MATN3: variants seen among roughly 807,000 people sequenced by gnomAD.
MATN3 encodes the protein matrilin 3.
A neutral mutation model predicts 45.3 loss-of-function variants in MATN3; 48 were observed. The ratio of observed to expected loss-of-function variants is 1.06; its 90% CI spans 0.84 to 1.35. The LOEUF is 1.35. Among genes scored for constraint, MATN3 ranks in the 40% most tolerant of loss-of-function variants. MATN3 has a pLI of 0.00. For missense variants in MATN3, 599 were observed against 628.0 expected (o/e 0.95, Z 0.49); for synonymous variants, 217 against 245.9 (o/e 0.88, Z 1.10).
chr2:19,993,146 A>G lies in MATN3; in HGVS notation c.1426T>C (p.Leu476=), dbSNP rs1553326270. The G allele has an allele frequency of 8.1e-6, 13 of 1,612,490 alleles. No individual in the cohort carries two copies. The highest frequency in any genetic ancestry group is 1.1e-5 in the South Asian group (1 of 90,878). ...NTKLDDILEK[L]KINEYGQIHR ...ATTTGTCCATATTCATTTATTTTCA[A>G]CTTCTCCAAAATGTCATCAAGTGGC... Residue 476 remains leucine (L), a synonymous_variant, in exon 8 of 8, where the codon TTG becomes CTG. Coordinates refer to ENST00000407540, the MANE Select transcript of MATN3 (RefSeq NM_002381.5).
chr2:20,006,432 G>A lies in MATN3; in HGVS notation c.224-122C>T, dbSNP rs1288667613. On this transcript the variant is annotated intron_variant, in intron 1 of 7. Transcript: ENST00000407540. ...ATCTCCTGACCCCAACATCACCACT[G>A]CCTGCGACCTTCCCCAAGACCATCG... is the stretch of plus-strand genomic sequence containing the variant. 3 of 683,398 alleles carry A rather than the reference G, an allele frequency of 4.4e-6. No individual in the cohort carries two copies. In the African/African-American group the frequency reaches 5.4e-5, roughly 12 times the overall value. The allele number at this position is 683,398 out of a possible 1,614,324, so 42.3% of individuals were successfully genotyped here.
chr2:20,012,401 G>C lies in MATN3; in HGVS notation c.223+8C>G. On this transcript the variant is annotated splice_region_variant and intron_variant, in intron 1 of 7. Coordinates refer to ENST00000407540, the MANE Select transcript of MATN3 (RefSeq NM_002381.5). This position sits in a 1 kb window ranked among gnomAD's most constrained non-coding sequence, Gnocchi z 4.3. The stretch of plus-strand genomic sequence containing the variant: ...TGCTCACGCGTCCCTCCCGCCGCCC[G>C]CCTGTACCTGCACCGCGGGCGCGGC... 1 of 1,228,852 alleles carries C rather than the reference G, an allele frequency of 8.1e-7. No homozygotes were observed. The allele number at this position is 1,228,852 out of a possible 1,614,324, so 76.1% of individuals were successfully genotyped here.
rs1169276721 is a variant in MATN3, at chr2:19,992,362, A to C, written c.*749T>G. The stretch of plus-strand genomic sequence containing the variant: ...ACATTAGATTTTGTCGATTTATAGC[A>C]ATTTTATAAATATATAACTTTGTCA... On this transcript the variant is annotated 3_prime_UTR_variant, in exon 8 of 8. Transcript: ENST00000407540. The C allele has an allele frequency of 1.3e-5, 2 of 152,152 alleles. No homozygotes were observed. Among genetic ancestry groups the C allele is most frequent in the Non-Finnish European group, 2.9e-5 (2 of 67,988 alleles). 9.4% of individuals were successfully genotyped at this position (152,152 alleles called of 1,614,324 possible).
intron 1 of MATN3, among the ~76,000 whole-genome samples, chr2:20,007,553 G>A (rs1411415040): frequency 2.0e-5 from 3 of 152,146 alleles, no homozygotes; most frequent in African/African-American, 7.2e-5. Flanking sequence ...AATGAGGGAT[G>A]CCAACTTAAT....
rs552384583 is a variant in MATN3 at position 20,008,152 on chromosome 2, G to A, written c.224-1842C>T. Among the ~76,000 whole-genome samples the A allele has an allele frequency of 6.8e-4, 104 of 152,174 alleles. 1 individual carries two copies. Among genetic ancestry groups the A allele is most frequent in the African/African-American group, 2.2e-3 (93 of 41,520 alleles). ...TAATTTTTGTATTTTTCATAGAGAC[G>A]GGGTTTCACTATGTTGGCCAGGCTG... On this transcript the variant is annotated intron_variant, in intron 1 of 7. Coordinates refer to ENST00000407540, the MANE Select transcript of MATN3 (RefSeq NM_002381.5).
intron 7 of MATN3, among the ~76,000 whole-genome samples, chr2:19,993,772 G>C (rs936910436): frequency 1.3e-5 from 2 of 152,204 alleles, no homozygotes; most frequent in African/African-American, 4.8e-5. Context: ...TAGGAACAGA[G>C]TTGTTAACTT....
intron 5 of MATN3, among the ~76,000 whole-genome samples, chr2:19,998,397 C>A (rs1291307229): frequency 6.6e-6 from 1 of 152,066 alleles, no homozygotes; most frequent in African/African-American, 2.4e-5. Flanking sequence ...AAAAGCAGAC[C>A]ATTAGAAGGG....
intron 5 of MATN3, 86 bp downstream of exon 5, chr2:20,000,355 C>T: frequency 8.1e-7 from 1 of 1,240,900 alleles, no homozygotes; most frequent in Non-Finnish European, 1.1e-6. Flanking sequence ...TCTTAAGTTA[C>T]CTTTAAAAAC....
At chr2:20,000,659 G>A in intron 4 of MATN3, 93 bp from the exon 5 acceptor site, 7 of 1,278,466 alleles carry the variant, frequency 5.5e-6, no homozygotes, top group East Asian at 2.6e-5. Context: ...GGAAACATAT[G>A]AGGAAAACTT....
At chr2:20,010,079 A>AAAAAAAAAAAAAAAAAAAAAAAAAG (rs1232156276) in intron 1 of MATN3, among the ~76,000 whole-genome samples, 1 of 149,594 alleles carries the variant, frequency 6.7e-6, no homozygotes, top group African/African-American at 2.5e-5. Flanking sequence ...AAAAAAAAAA[A>AAAAAAAAAAAAAAAAAAAAAAAAAG]AAAAAAAAAA....
intron 3 of MATN3, among the ~76,000 whole-genome samples, chr2:20,002,410 T>G (rs1215426079): frequency 6.6e-6 from 1 of 152,220 alleles, no homozygotes; most frequent in African/African-American, 2.4e-5. Flanking sequence ...TTCCCATTCC[T>G]CATTGACTCC....
rs745766346 is a variant in MATN3, at chr2:20,000,544, A to G, written c.1065T>C (p.Gly355=). 55 of 1,609,502 alleles carry G rather than the reference A, an allele frequency of 3.4e-5. No individual in the cohort carries two copies. Among genetic ancestry groups the G allele is most frequent in the Non-Finnish European group, 4.2e-5 (50 of 1,178,678 alleles). The part of the protein sequence containing the change: ...TCSAQDKCAL[G]THGCQHICVN... ...CACAAATGTGCTGACACCCATGGGT[A>G]CCCAAAGCACATTTATCTTGAGCTG... Residue 355 remains glycine, a synonymous_variant, in exon 5 of 8, where the codon GGT becomes GGC. Transcript: ENST00000407540.
At position 20,003,142 on chromosome 2, in the gene MATN3, C is replaced by T; in HGVS notation, c.916+19G>A. On this transcript the variant is annotated intron_variant, in intron 3 of 7. Transcript: ENST00000407540. The stretch of plus-strand genomic sequence containing the variant: ...TCCCAAGTATTTGATTCAGTCACGG[C>T]CCCCTACACAGGCCTCACCTGAACA... 6.2e-7 allele frequency: 1 copy of T among 1,613,052 alleles called. No individual in the cohort carries two copies. The highest frequency in any genetic ancestry group is 8.5e-7 in the Non-Finnish European group (1 of 1,179,280).
intron 3 of MATN3, among the ~76,000 whole-genome samples, chr2:20,002,425 A>G (rs888671529): frequency 2.6e-5 from 4 of 152,196 alleles, no homozygotes; most frequent in Non-Finnish European, 5.9e-5. Flanking sequence ...GACTCCATGT[A>G]TGTATCTATG....
intron 6 of MATN3, among the ~76,000 whole-genome samples, chr2:19,994,951 A>G (rs1356401601): frequency 1.3e-5 from 2 of 152,058 alleles, no homozygotes; most frequent in Admixed American, 6.6e-5. Flanking sequence ...TTAGCCAGGC[A>G]TAGTGGCACA....
intron 5 of MATN3, among the ~76,000 whole-genome samples, chr2:19,999,468 C>T (rs780402238): frequency 2.0e-5 from 3 of 152,038 alleles, no homozygotes; most frequent in Non-Finnish European, 4.4e-5. Context: ...CAGTCCCTCT[C>T]CCTGGCTCAG....
intron 6 of MATN3, among the ~76,000 whole-genome samples, chr2:19,996,885 A>G (rs1448572123): frequency 6.6e-6 from 1 of 152,226 alleles, no homozygotes; most frequent in Non-Finnish European, 1.5e-5. Context: ...ACAATAAAAA[A>G]AATTCAGACT....
intron 4 of MATN3, among the ~76,000 whole-genome samples, chr2:20,001,621 C>T (rs1298067136): frequency 6.6e-6 from 1 of 152,264 alleles, no homozygotes; most frequent in African/African-American, 2.4e-5. Flanking sequence ...CTGCCAGTTT[C>T]TCCACTATAA....
At chr2:20,010,400 A>G (rs1455012985) in intron 1 of MATN3, among the ~76,000 whole-genome samples, 1 of 152,192 alleles carries the variant, frequency 6.6e-6, no homozygotes, top group African/African-American at 2.4e-5. Context: ...TCCCCCGCCA[A>G]AGACGTCCAC....
Sources: gnomAD v4.1 joint callset for allele counts (sites outside exome capture counted in the v4.1 genomes callset) on GRCh38, gnomAD v4.1.1 for gene constraint, Gnocchi (gnomAD v3.1) non-coding constraint, MANE v1.5 for transcripts, NCBI Gene and HGNC (gene_info 2026-07-23, HGNC 2026-07-21) for gene names.